Variants in CASK observed in about 807,000 individuals in gnomAD.
The protein encoded by CASK is peripheral plasma membrane protein CASK.
Under a neutral mutation model 82.9 loss-of-function variants are expected in CASK, and 4 were observed. The observed-to-expected ratio is 0.05, with a 90% CI of 0.02 to 0.11. The LOEUF is 0.11. Ranked by LOEUF, CASK falls within the 10% of genes least tolerant of loss-of-function variation. CASK has a pLI of 1.00. For synonymous variants in CASK, 259 were observed against 253.5 expected (o/e 1.02, Z -0.20); for missense variants, 358 against 720.9 (o/e 0.50, Z 5.76).
intron 3 of CASK, among the ~76,000 whole-genome samples, chrX:41,784,939 A>G (rs2069554618): frequency 9.0e-6 from 1 of 110,567 alleles, no homozygotes; most frequent in African/African-American, 3.3e-5. Context: ...ATATTCTCAC[A>G]ATAAAAGTTT....
rs776464174 is a variant in CASK, at chrX:41,712,027, G to A, written c.429+27357C>T. 1.2e-4 allele frequency among the ~76,000 whole-genome samples: 14 copies of A among 112,804 alleles called. No homozygotes were observed. The South Asian group carries it at 5.1e-3, about 41-fold the overall frequency. The stretch of plus-strand genomic sequence containing the variant: ...CACAGGTGGGGTGAGTGGGCCTGAC[G>A]CCTCAGCAGGCCCATGGCCAAGCAA... On this transcript the variant is annotated intron_variant, in intron 5 of 26. Coordinates refer to ENST00000378163, the MANE Select transcript of CASK (RefSeq NM_001367721.1).
chrX:41,727,436 T>C (rs1376346589), intron 5 of CASK: 1 of 1,208,760 alleles, frequency 8.3e-7, no homozygotes, highest in African/African-American at 1.7e-5. Flanking sequence ...TATGAGAAAA[T>C]ATTTTATGGC....
chrX:41,536,884 G>T (rs763985382), intron 22 of CASK, among the ~76,000 whole-genome samples: 1 of 111,377 alleles, frequency 9.0e-6, no homozygotes, highest in African/African-American at 3.3e-5. Flanking sequence ...GAGTGCTGAT[G>T]GCATTATTTT....
rs1411400775 is a variant in CASK at position 41,667,520 on chromosome X, A to C, written c.533-2068T>G. Reference sequence around the variant, plus strand: ...AATAAAACCTTCCTACCAGAATCTCAGGGGGAGAATTGTTCTGAATAGCTA... The same window carrying C: ...AATAAAACCTTCCTACCAGAATCTCCGGGGGAGAATTGTTCTGAATAGCTA... On this transcript the variant is annotated intron_variant, in intron 6 of 26. Transcript: ENST00000378163. Among the ~76,000 whole-genome samples, 3 of 111,947 alleles carry C rather than the reference A, an allele frequency of 2.7e-5. No homozygotes were observed. The East Asian group carries it at 8.4e-4, about 31-fold the overall frequency.
intron 8 of CASK, among the ~76,000 whole-genome samples, chrX:41,655,530 C>T (rs916396025): frequency 3.6e-5 from 4 of 111,769 alleles, no homozygotes; most frequent in African/African-American, 6.5e-5. Context: ...GGGATGGCAG[C>T]GCCCAGAATA....
At chrX:41,670,653 T>C in intron 6 of CASK, among the ~76,000 whole-genome samples, 1 of 110,003 alleles carries the variant, frequency 9.1e-6, no homozygotes. Context: ...GAGGTTGAGG[T>C]GGGAGGATCA....
intron 2 of CASK, among the ~76,000 whole-genome samples, chrX:41,797,375 T>C (rs1392528265): frequency 9.1e-6 from 1 of 109,928 alleles, no homozygotes; most frequent in Non-Finnish European, 1.9e-5. Context: ...CAAAGTTCTC[T>C]TTAACAATCT....
At chrX:41,701,991 G>A (rs1282281162) in intron 5 of CASK, among the ~76,000 whole-genome samples, 1 of 112,497 alleles carries the variant, frequency 8.9e-6, no homozygotes, top group Non-Finnish European at 1.9e-5. Context: ...AATGGTGATT[G>A]CTGAGATGTC....
chrX:41,624,399 C>G (rs1029684883), intron 10 of CASK: 5 of 259,238 alleles, frequency 1.9e-5, no homozygotes, highest in African/African-American at 1.4e-4. Context: ...AGTCTCTTCT[C>G]TAAGATTCCC....
At chrX:41,732,337 G>A (rs1393786121) in intron 5 of CASK, among the ~76,000 whole-genome samples, 1 of 111,235 alleles carries the variant, frequency 9.0e-6, no homozygotes, top group Admixed American at 9.6e-5. Context: ...ACTTAACAGG[G>A]AAGTAAGTTT....
intron 8 of CASK, among the ~76,000 whole-genome samples, chrX:41,647,854 T>C (rs902116776): frequency 8.0e-5 from 9 of 112,154 alleles, no homozygotes; most frequent in African/African-American, 2.9e-4. Flanking sequence ...GTCTTTAATC[T>C]CTTAATCCTG....
intron 2 of CASK, among the ~76,000 whole-genome samples, chrX:41,825,163 C>A (rs1031659025): frequency 1.4e-4 from 16 of 111,065 alleles, no homozygotes; most frequent in African/African-American, 5.2e-4. Flanking sequence ...ACATTGCATG[C>A]CTATATCAAA....
intron 22 of CASK, among the ~76,000 whole-genome samples, chrX:41,538,125 C>T (rs1246801761): frequency 9.0e-6 from 1 of 111,202 alleles, no homozygotes; most frequent in Non-Finnish European, 1.9e-5. Context: ...GGATTACAGG[C>T]ATGAGCCGCT....
intron 2 of CASK, among the ~76,000 whole-genome samples, chrX:41,841,511 GTT>G (rs1193063113): frequency 1.4e-4 from 11 of 80,180 alleles, no homozygotes; most frequent in Admixed American, 2.8e-4. Context: ...TTTCCTTTTT[GTT>G]TTTTTTTTTT....
intron 3 of CASK, among the ~76,000 whole-genome samples, chrX:41,769,234 C>T (rs199583458): frequency 5.2e-5 from 5 of 96,377 alleles, no homozygotes; most frequent in East Asian, 6.5e-4. Context: ...CTCACTCTGT[C>T]GCCTAGGCTG....
At chrX:41,530,968 C>T in intron 25 of CASK, 39 bp downstream of exon 25, 2 of 1,111,423 alleles carry the variant, frequency 1.8e-6, no homozygotes, top group East Asian at 3.0e-5. Flanking sequence ...TATTGGCATG[C>T]AGGCAGGATG....
In CASK at chrX:41,622,584, A is replaced by G. The variant is rs755895177; in HGVS notation, c.1033+33T>C. On this transcript the variant is annotated intron_variant, in intron 11 of 26. Transcript: ENST00000378163. ...AAAGCCAAACACTTTTGCATAAAAG[A>G]TACACCTTAAAGGAAAACAAAGGGA... 8 of 1,169,404 alleles carry G rather than the reference A, an allele frequency of 6.8e-6. No individual in the cohort carries two copies. The Admixed American group carries it at 1.8e-4, about 26-fold the overall frequency.
At chrX:41,576,549 G>A (rs1034170272) in intron 15 of CASK, among the ~76,000 whole-genome samples, 4 of 111,915 alleles carry the variant, frequency 3.6e-5, no homozygotes, top group African/African-American at 1.3e-4. Context: ...TGTGGAACGT[G>A]AGCTCTAGTA....
At chrX:41,531,971 G>A (rs552064868) in intron 24 of CASK, among the ~76,000 whole-genome samples, 2 of 111,819 alleles carry the variant, frequency 1.8e-5, no homozygotes, top group South Asian at 7.5e-4. Context: ...GTCCCACTCT[G>A]TAGCCCAGGC....
Sources: gnomAD v4.1 joint callset for allele counts (sites outside exome capture counted in the v4.1 genomes callset) on GRCh38, gnomAD v4.1.1 for gene constraint, MANE v1.5 for transcripts, NCBI Gene and HGNC (gene_info 2026-07-23, HGNC 2026-07-21) for gene names.